SCN2A: variants seen among roughly 807,000 people sequenced by gnomAD.
SCN2A encodes the protein sodium channel protein type 2 subunit alpha.
In SCN2A, 20 loss-of-function variants were observed where a neutral mutation model predicts 188.7. That is an observed-to-expected ratio of 0.11 (90% CI 0.07 to 0.15). The LOEUF (loss-of-function observed/expected upper bound fraction) is 0.15. Ranked by LOEUF, SCN2A falls within the 10% of genes least tolerant of loss-of-function variation. The probability of loss-of-function intolerance (pLI) is 1.00; values close to 1 mark genes in which losing one functional copy is unlikely to be tolerated. For synonymous variants in SCN2A, 804 were observed against 833.1 expected (o/e 0.97, Z 0.60); for missense variants, 1,278 against 2,445.0 (o/e 0.52, Z 10.07).
At chr2:165,241,807 C>A (rs947881326) in intron 1 of SCN2A, among the ~76,000 whole-genome samples, 1 of 151,902 alleles carries the variant, frequency 6.6e-6, no homozygotes, top group African/African-American at 2.4e-5. Context: ...AATTTCTGTC[C>A]ATGGGGGGCT....
chr2:165,326,501 C>T (rs1698366458), intron 12 of SCN2A, among the ~76,000 whole-genome samples: 1 of 152,086 alleles, frequency 6.6e-6, no homozygotes, highest in Non-Finnish European at 1.5e-5. Context: ...AAAAACTCAA[C>T]CTGGGTGAAA....
chr2:165,276,918 A>G (rs1574485872), intron 1 of SCN2A, among the ~76,000 whole-genome samples: 1 of 152,156 alleles, frequency 6.6e-6, no homozygotes, highest in Admixed American at 6.5e-5. Context: ...GCTCATGCCT[A>G]TAATCCCAGT....
At chr2:165,331,274 T>C (rs943394796) in intron 13 of SCN2A, 56 bp from the exon 14 acceptor site, 1 of 1,292,716 alleles carries the variant, frequency 7.7e-7, no homozygotes, top group African/African-American at 1.5e-5. Context: ...TTAAACCAAA[T>C]CTGCTTAATA....
rs370200920 is a variant in SCN2A at position 165,354,314 on chromosome 2, C to T, written c.3042C>T (p.Ile1014=). Residue 1014 remains isoleucine, a synonymous_variant, in exon 17 of 27, where the codon ATC becomes ATT. Coordinates refer to ENST00000375437, the MANE Select transcript of SCN2A (RefSeq NM_001040142.2). Reference sequence around the variant, plus strand: ...CTGTGGGAAGGATGCAGAAAGGAATCGATTTTGTTAAAAGAAAAATACGTG... The same window carrying T: ...CTGTGGGAAGGATGCAGAAAGGAATTGATTTTGTTAAAAGAAAAATACGTG... ...QIAVGRMQKG[I]DFVKRKIREF... 6.2e-7 allele frequency: 1 copy of T among 1,613,942 alleles called. No individual in the cohort carries two copies. Among genetic ancestry groups the T allele is most frequent in the Non-Finnish European group, 8.5e-7 (1 of 1,179,968 alleles).
chr2:165,272,758 G>A (rs1695157888), intron 1 of SCN2A: 1 of 143,924 alleles, frequency 6.9e-6, no homozygotes, highest in African/African-American at 2.6e-5. Flanking sequence ...GGATCAAAGA[G>A]GGAAATCACA....
chr2:165,352,913 T>C (rs1265516114), intron 16 of SCN2A, among the ~76,000 whole-genome samples: 1 of 152,166 alleles, frequency 6.6e-6, no homozygotes, highest in Non-Finnish European at 1.5e-5. Flanking sequence ...CCCCCTTTAC[T>C]GCTATATCTT....
chr2:165,317,164 G>T (rs968556420), intron 11 of SCN2A, among the ~76,000 whole-genome samples: 3 of 151,906 alleles, frequency 2.0e-5, no homozygotes, highest in Non-Finnish European at 4.4e-5. Context: ...AACATCATAA[G>T]ATTGCATACT....
chr2:165,386,803 A>G lies in SCN2A; in HGVS notation c.4609A>G (p.Ile1537Val). 6.2e-7 allele frequency: 1 copy of G among 1,613,922 alleles called. No individual in the cohort carries two copies. The highest frequency in any genetic ancestry group is 8.5e-7 in the Non-Finnish European group (1 of 1,179,892). Residue 1537 changes from isoleucine (I) to valine (V), a missense_variant, in exon 26 of 27, where the codon ATC becomes GTC. Ile to Val is a conservative substitution (Grantham distance 29). This residue lies in a region of SCN2A where 97 missense variants were observed against 266.1 expected (regional missense o/e 0.36). Transcript: ENST00000375437. ...FVTKQVFDIS[I>V]MILICLNMVT... ...AACCAAACAAGTCTTTGATATCAGC[A>G]TCATGATCCTCATCTGCCTTAACAT...
intron 14 of SCN2A, among the ~76,000 whole-genome samples, chr2:165,337,439 G>GA (rs1380485159): frequency 6.6e-6 from 1 of 152,024 alleles, no homozygotes; most frequent in Non-Finnish European, 1.5e-5. Context: ...CAAAGTTGGT[G>GA]AAAAATAGTA....
intron 8 of SCN2A, among the ~76,000 whole-genome samples, chr2:165,312,298 A>G (rs1553568358): frequency 6.6e-6 from 1 of 152,184 alleles, no homozygotes; most frequent in Non-Finnish European, 1.5e-5. Context: ...ATGCTAGGTC[A>G]CATCTAATCT....
At chr2:165,254,780 T>C (rs180755887) in intron 1 of SCN2A, among the ~76,000 whole-genome samples, 91 of 151,908 alleles carry the variant, frequency 6.0e-4, no homozygotes, top group Non-Finnish European at 1.1e-3. Context: ...AATGAATTCA[T>C]GTCTTCTACA....
At chr2:165,309,528 T>C in intron 6 of SCN2A, 85 bp downstream of exon 6, 7 of 1,473,824 alleles carry the variant, frequency 4.7e-6, no homozygotes, top group Non-Finnish European at 5.7e-6. Context: ...TTGTTGCTAG[T>C]TGCATATTGC....
At chr2:165,327,072 C>A (rs1384940284) in intron 13 of SCN2A, 88 bp downstream of exon 13, 24 of 1,453,166 alleles carry the variant, frequency 1.7e-5, no homozygotes, top group Non-Finnish European at 2.1e-5. Context: ...TACTTCCTGA[C>A]TTGATATTGT....
chr2:165,309,585 G>A (rs1019288785), intron 6 of SCN2A, 142 bp downstream of exon 6: 2 of 1,039,230 alleles, frequency 1.9e-6, no homozygotes, highest in African/African-American at 1.6e-5. Flanking sequence ...TTTTTTGGAT[G>A]GATTTGATTC....
intron 17 of SCN2A, 63 bp downstream of exon 17, chr2:165,354,734 G>A: frequency 6.5e-7 from 1 of 1,544,222 alleles, no homozygotes; most frequent in South Asian, 1.1e-5. Flanking sequence ...AAAATTATCA[G>A]GTGTTTTTAA....
intron 16 of SCN2A, among the ~76,000 whole-genome samples, chr2:165,348,382 T>C (rs945233961): frequency 2.3e-4 from 33 of 144,910 alleles, no homozygotes; most frequent in Admixed American, 5.6e-4. Context: ...AAAAAGCATA[T>C]ACTCTTTAGA....
intron 25 of SCN2A, among the ~76,000 whole-genome samples, chr2:165,384,696 A>G (rs1701778407): frequency 6.6e-6 from 1 of 152,120 alleles, no homozygotes; most frequent in African/African-American, 2.4e-5. Flanking sequence ...AGAGCAAACC[A>G]TTTGCAATAC....
At chr2:165,276,957 C>T (rs933050658) in intron 1 of SCN2A, among the ~76,000 whole-genome samples, 68 of 152,208 alleles carry the variant, frequency 4.5e-4, no homozygotes, top group African/African-American at 1.1e-3. Context: ...GGGCGGATCA[C>T]GAGGTCAGGA....
At position 165,335,550 on chromosome 2, in the gene SCN2A, A is replaced by G. The variant is rs527617063; in HGVS notation, c.2388+3982A>G. On this transcript the variant is annotated intron_variant, in intron 14 of 26. Coordinates refer to ENST00000375437, the MANE Select transcript of SCN2A (RefSeq NM_001040142.2). ...GGTGCTTGGACAAGTGAATATCCAC[A>G]TATGAAAGAATGGAATTGAACCCTT... Among the ~76,000 whole-genome samples, 11 of 151,934 alleles carry G rather than the reference A, an allele frequency of 7.2e-5. No individual in the cohort carries two copies. In the East Asian group the frequency reaches 2.1e-3, roughly 29 times the overall value.
Sources: gnomAD v4.1 joint callset for allele counts (sites outside exome capture counted in the v4.1 genomes callset) on GRCh38, gnomAD v4.1.1 for gene constraint, gnomAD v4.1.1 regional missense constraint, MANE v1.5 for transcripts, NCBI Gene and HGNC (gene_info 2026-07-23, HGNC 2026-07-21) for gene names.